The following MERTK variants were observed in gnomAD, a reference collection of about 807,000 sequenced individuals.
MERTK encodes the protein tyrosine-protein kinase Mer.
In MERTK, 69 loss-of-function variants were observed where a neutral mutation model predicts 99.3. The observed-to-expected ratio is 0.70, with a 90% CI of 0.57 to 0.85. The LOEUF (loss-of-function observed/expected upper bound fraction) is 0.85. MERTK is among the 40% of genes least tolerant of loss of function. The pLI is 0.00. For synonymous variants in MERTK, 426 were observed against 467.6 expected (o/e 0.91, Z 1.15); for missense variants, 1,125 against 1,249.4 (o/e 0.90, Z 1.50).
intron 8 of MERTK, among the ~76,000 whole-genome samples, chr2:111,989,035 T>A (rs543280798): frequency 6.6e-6 from 1 of 152,254 alleles, no homozygotes; most frequent in South Asian, 2.1e-4. Context: ...CGCAGAGTCA[T>A]AAAGGTTGGG....
At chr2:111,921,379 A>G (rs1684456254) in intron 1 of MERTK, among the ~76,000 whole-genome samples, 2 of 152,092 alleles carry the variant, frequency 1.3e-5, no homozygotes, top group Admixed American at 1.3e-4. Flanking sequence ...ACCTGCCTGT[A>G]GTCCCTGCTA....
intron 10 of MERTK, among the ~76,000 whole-genome samples, chr2:111,998,987 C>T (rs1268671135): frequency 1.3e-5 from 2 of 152,104 alleles, no homozygotes; most frequent in Non-Finnish European, 2.9e-5. Flanking sequence ...TTTATTTTTA[C>T]TTATAAAAGT....
intron 4 of MERTK, among the ~76,000 whole-genome samples, chr2:111,962,407 C>T (rs541695320): frequency 2.0e-5 from 3 of 151,966 alleles, no homozygotes; most frequent in South Asian, 2.1e-4. Context: ...CTTGGAAGGC[C>T]GAGGCAGGAG....
chr2:111,964,039 C>CTTCCTTTTTTTT (rs1305839691), intron 4 of MERTK, among the ~76,000 whole-genome samples: 1 of 40,482 alleles, frequency 2.5e-5, no homozygotes, highest in African/African-American at 9.2e-5. Flanking sequence ...CAAAAATTTT[C>CTTCCTTTTTTTT]TTTCTTTTTT....
intron 6 of MERTK, among the ~76,000 whole-genome samples, chr2:111,970,813 CT>C (rs1265300693): frequency 9.0e-6 from 1 of 111,256 alleles, no homozygotes; most frequent in African/African-American, 3.7e-5. Flanking sequence ...CCTCCTCCTC[CT>C]CCTCCCTCCT....
intron 2 of MERTK, among the ~76,000 whole-genome samples, chr2:111,931,750 G>A (rs1684676501): frequency 6.6e-6 from 1 of 152,092 alleles, no homozygotes; most frequent in South Asian, 2.1e-4. Context: ...CAGCAAGCTG[G>A]CACATTGGTC....
At chr2:112,022,661 A>G in intron 18 of MERTK, 2 of 697,100 alleles carry the variant, frequency 2.9e-6, no homozygotes, top group Non-Finnish European at 5.3e-6. Flanking sequence ...AGACAAGGCA[A>G]TGGCACCTGT....
At chr2:112,027,294 ATATGTGTGTGTGTGTG>A (rs1339170421) in intron 18 of MERTK, among the ~76,000 whole-genome samples, 192 of 148,974 alleles carry the variant, frequency 1.3e-3, no homozygotes, top group South Asian at 5.2e-3. Context: ...ATGTGTGTGT[ATATGTGTGTGTGTGTG>A]TATATATATA....
intron 15 of MERTK, chr2:112,013,407 G>C (rs1253767508): frequency 2.6e-5 from 4 of 154,330 alleles, no homozygotes; most frequent in Non-Finnish European, 5.9e-5. Context: ...CAACACCTTA[G>C]TACAATTGTT....
intron 1 of MERTK, among the ~76,000 whole-genome samples, chr2:111,924,953 A>T (rs1239787270): frequency 1.3e-5 from 2 of 152,048 alleles, no homozygotes; most frequent in East Asian, 3.9e-4. Context: ...TCAGTCCGGC[A>T]GTGGAGAAAG....
chr2:111,945,316 T>C (rs1024342323), intron 3 of MERTK, among the ~76,000 whole-genome samples: 8 of 152,244 alleles, frequency 5.3e-5, no homozygotes, highest in Non-Finnish European at 1.2e-4. Context: ...GATTTTGGAC[T>C]TCCTTGTCCA....
intron 15 of MERTK, among the ~76,000 whole-genome samples, chr2:112,013,069 C>T (rs1677139899): frequency 6.6e-6 from 1 of 151,910 alleles, no homozygotes; most frequent in Admixed American, 6.6e-5. Context: ...TTCCTAGGGA[C>T]AGCTTAAGTG....
At chr2:111,934,794 T>C (rs1398459107) in intron 2 of MERTK, among the ~76,000 whole-genome samples, 1 of 152,228 alleles carries the variant, frequency 6.6e-6, no homozygotes, top group Non-Finnish European at 1.5e-5. Context: ...TCTTTGCCCA[T>C]GCCTATGTCC....
At chr2:111,902,378 T>C (rs1684060153) in intron 1 of MERTK, among the ~76,000 whole-genome samples, 1 of 152,210 alleles carries the variant, frequency 6.6e-6, no homozygotes, top group South Asian at 2.1e-4. Context: ...TTCCATATAA[T>C]AGCCAGAATG....
chr2:111,900,883 A>G (rs1684030389), intron 1 of MERTK, among the ~76,000 whole-genome samples: 1 of 152,232 alleles, frequency 6.6e-6, no homozygotes, highest in Non-Finnish European at 1.5e-5. Flanking sequence ...TTCCTATTAC[A>G]CATTGTGGGT....
chr2:111,988,716 C>T (rs756195670), intron 8 of MERTK, among the ~76,000 whole-genome samples: 2 of 152,206 alleles, frequency 1.3e-5, no homozygotes, highest in African/African-American at 2.4e-5. Context: ...GAGGCCAAGG[C>T]AGGTGGATCA....
rs148147264 is a variant in MERTK at position 111,933,481 on chromosome 2, A to G, written c.482+3941A>G. Reference sequence around the variant, plus strand: ...CACTAGGGGCAGAGAACATAGATGTATATTGGCAGAGGTCAAAAGGACTCT... The same window carrying G: ...CACTAGGGGCAGAGAACATAGATGTGTATTGGCAGAGGTCAAAAGGACTCT... On this transcript the variant is annotated intron_variant, in intron 2 of 18. Coordinates refer to ENST00000295408, the MANE Select transcript of MERTK (RefSeq NM_006343.3). Among the ~76,000 whole-genome samples the G allele has an allele frequency of 2.8e-4, 42 of 152,342 alleles. 1 individual carries two copies. Among genetic ancestry groups the G allele is most frequent in the African/African-American group, 9.4e-4 (39 of 41,568 alleles).
rs1553447978 is a variant in MERTK at position 111,935,920 on chromosome 2, A to AT, written c.482+6387dup. 3.3e-5 allele frequency among the ~76,000 whole-genome samples: 5 copies of AT among 151,158 alleles called. No homozygotes were observed. In the South Asian group the frequency reaches 8.4e-4, roughly 25 times the overall value. On this transcript the variant is annotated intron_variant, in intron 2 of 18. Coordinates refer to ENST00000295408, the MANE Select transcript of MERTK (RefSeq NM_006343.3). ...TATATTATTAAAAGTCTTCAAAAAA[A>AT]TTTTTTTGTTTTTTGAGACAGAGTC... is the stretch of plus-strand genomic sequence containing the variant.
intron 2 of MERTK, among the ~76,000 whole-genome samples, chr2:111,931,014 C>G (rs746770479): frequency 1.7e-4 from 26 of 152,182 alleles, no homozygotes; most frequent in Admixed American, 3.9e-4. Context: ...AATTTCTCCA[C>G]TTTGGAGTGG....
Sources: allele counts gnomAD v4.1 joint callset (sites outside exome capture counted in the v4.1 genomes callset), GRCh38; gene constraint gnomAD v4.1.1; transcripts MANE v1.5; gene names NCBI Gene and HGNC (gene_info 2026-07-23, HGNC 2026-07-21).